The following PSD3 variants were observed in gnomAD, a reference collection of about 807,000 sequenced individuals.
The protein encoded by PSD3 is pleckstrin and Sec7 domain containing 3, also known as PH and SEC7 domain-containing protein 3.
A neutral mutation model predicts 105.5 loss-of-function variants in PSD3; 49 were observed. The ratio of observed to expected loss-of-function variants is 0.46; its 90% CI spans 0.37 to 0.59. The LOEUF (loss-of-function observed/expected upper bound fraction) is 0.59. Among genes scored for constraint, PSD3 ranks in the 20% least tolerant of loss-of-function variants. The pLI is 0.00. For missense variants in PSD3, 1,561 were observed against 1,263.8 expected (o/e 1.24, Z -3.57); for synonymous variants, 557 against 457.8 (o/e 1.22, Z -2.77).
intron 9 of PSD3, among the ~76,000 whole-genome samples, chr8:18,725,444 GGGA>G (rs2129428807): frequency 6.6e-6 from 1 of 152,186 alleles, no homozygotes; most frequent in East Asian, 1.9e-4. Context: ...TGTCCTAAAG[GGGA>G]GAAATCCATT....
intron 15 of PSD3, among the ~76,000 whole-genome samples, chr8:18,540,667 G>A (rs1377472537): frequency 2.6e-5 from 4 of 152,006 alleles, no homozygotes; most frequent in Admixed American, 1.3e-4. Context: ...TCCCACAGTC[G>A]CCTGACTGCT....
intron 2 of PSD3, among the ~76,000 whole-genome samples, chr8:18,879,081 C>CACAT (rs1554529840): frequency 2.0e-3 from 295 of 145,662 alleles, no homozygotes; most frequent in African/African-American, 7.2e-3. Context: ...CACACACACA[C>CACAT]ACACACGCAC....
At chr8:18,672,760 A>T (rs1158843534) in intron 9 of PSD3, among the ~76,000 whole-genome samples, 1 of 152,204 alleles carries the variant, frequency 6.6e-6, no homozygotes, top group Non-Finnish European at 1.5e-5. Flanking sequence ...TGTGACAGCA[A>T]CTAGCAGCAG....
At chr8:18,721,488 C>T (rs565919122) in intron 9 of PSD3, among the ~76,000 whole-genome samples, 1 of 152,096 alleles carries the variant, frequency 6.6e-6, no homozygotes. Flanking sequence ...ACCATTAAAG[C>T]CTTAGAAGTT....
chr8:18,619,448 C>T (rs959181808), intron 11 of PSD3, among the ~76,000 whole-genome samples: 18 of 152,012 alleles, frequency 1.2e-4, no homozygotes, highest in African/African-American at 4.4e-4. Context: ...AGTTTGAGAC[C>T]AGCCTGACCA....
chr8:19,035,660 G>A (rs76331206), intron 1 of PSD3, among the ~76,000 whole-genome samples: 2,367 of 151,522 alleles, frequency 0.016, 30 homozygotes, highest in Non-Finnish European at 0.025. Flanking sequence ...GTTTTTTTTG[G>A]CCAAATTTTA....
rs575267018 is a variant in PSD3, at chr8:18,534,033, G to A, written c.*1710C>T. On this transcript the variant is annotated 3_prime_UTR_variant, in exon 16 of 16. Transcript: ENST00000327040. The stretch of plus-strand genomic sequence containing the variant: ...AGTCATGGACATTTACAGAGGGGAA[G>A]GAAGTAAACGTTAATAAATAATTCT... 6.6e-6 allele frequency: 1 copy of A among 152,080 alleles called. No homozygotes were observed. The highest frequency in any genetic ancestry group is 1.5e-5 in the Non-Finnish European group (1 of 68,030). The allele number at this position is 152,080 out of a possible 1,614,324, so 9.4% of individuals were successfully genotyped here.
In PSD3 at chr8:18,868,047, C is replaced by A. The variant is rs28645392; in HGVS notation, c.1261G>T (p.Val421Phe). The change falls in exon 4 of 16, where the codon GTT becomes TTT. Residue 421 changes from valine to phenylalanine, a missense_variant. Transcript: ENST00000327040. ...RERISEQEEH[V>F]KGEDEDILGP... is the part of the protein sequence containing the mutation. The stretch of plus-strand genomic sequence containing the variant: ...AGGATGTCTTCATCTTCCCCCTTAA[C>A]GTGCTCCTCTTGTTCGCTGATCCTG... The A allele has an allele frequency of 8.4e-4, 1,348 of 1,608,416 alleles. 8 individuals are homozygous for A. The African/African-American group carries it at 0.016, about 20-fold the overall frequency.
chr8:18,979,351 T>C (rs1825131807), intron 1 of PSD3, among the ~76,000 whole-genome samples: 1 of 152,238 alleles, frequency 6.6e-6, no homozygotes, highest in African/African-American at 2.4e-5. Flanking sequence ...CTATTCATAA[T>C]GAGCAGCTCT....
chr8:19,057,425 C>T (rs532017374), intron 1 of PSD3, among the ~76,000 whole-genome samples: 3 of 152,298 alleles, frequency 2.0e-5, no homozygotes, highest in South Asian at 2.1e-4. Flanking sequence ...TTCTATGACA[C>T]GAAAACCTCT....
intron 2 of PSD3, among the ~76,000 whole-genome samples, chr8:18,886,658 G>C (rs1029309129): frequency 6.6e-6 from 1 of 152,188 alleles, no homozygotes; most frequent in Non-Finnish European, 1.5e-5. Context: ...AAAATGCCCA[G>C]TTCATCAGTT....
intron 11 of PSD3, among the ~76,000 whole-genome samples, chr8:18,629,381 T>C (rs1314531154): frequency 1.3e-5 from 2 of 151,974 alleles, no homozygotes; most frequent in East Asian, 1.9e-4. Flanking sequence ...TGAAAACATA[T>C]GTACGTGCAA....
chr8:18,937,502 C>T (rs1586474236), intron 1 of PSD3, among the ~76,000 whole-genome samples: 1 of 152,126 alleles, frequency 6.6e-6, no homozygotes, highest in Non-Finnish European at 1.5e-5. Flanking sequence ...ATCACACCTC[C>T]ATCACCCCAC....
intron 8 of PSD3, among the ~76,000 whole-genome samples, chr8:18,781,735 G>T (rs759087056): frequency 6.6e-6 from 1 of 152,146 alleles, no homozygotes; most frequent in Non-Finnish European, 1.5e-5. Flanking sequence ...ATATCTAGAT[G>T]TCTGTATCTC....
At position 19,054,428 on chromosome 8, in the gene PSD3, A is replaced by C. The variant is rs570755410; in HGVS notation, c.324+29778T>G. ...GAAGAACTTGTAGCATATGTCAGAG[A>C]CTGAATAATGTTTGTTGAGGGAAAG... is the stretch of plus-strand genomic sequence containing the variant. On this transcript the variant is annotated intron_variant, in intron 1 of 1. Coordinates refer to the PSD3 transcript ENST00000521475. Among the ~76,000 whole-genome samples the C allele has an allele frequency of 2.4e-4, 36 of 152,224 alleles. No homozygotes were observed. The East Asian group carries it at 6.6e-3, about 28-fold the overall frequency.
At chr8:18,542,763 A>G (rs989749271) in intron 15 of PSD3, among the ~76,000 whole-genome samples, 1 of 151,808 alleles carries the variant, frequency 6.6e-6, no homozygotes, top group Non-Finnish European at 1.5e-5. Flanking sequence ...ATTGTTGTTT[A>G]GTCTTCATAA....
chr8:19,024,126 A>C (rs1050199800), intron 1 of PSD3, among the ~76,000 whole-genome samples: 1 of 152,234 alleles, frequency 6.6e-6, no homozygotes, highest in African/African-American at 2.4e-5. Context: ...CAAATAAATC[A>C]CTTTTTCCAA....
At chr8:18,700,079 G>T (rs1801490272) in intron 9 of PSD3, among the ~76,000 whole-genome samples, 1 of 152,116 alleles carries the variant, frequency 6.6e-6, no homozygotes, top group Admixed American at 6.5e-5. Flanking sequence ...TCTTATTTCA[G>T]TCAAACCTTA....
At chr8:18,631,961 T>A (rs1806934593) in intron 11 of PSD3, among the ~76,000 whole-genome samples, 2 of 152,014 alleles carry the variant, frequency 1.3e-5, no homozygotes, top group Admixed American at 1.3e-4. Context: ...CTGCAAAGAT[T>A]ATTCTAACTA....
Sources: allele counts gnomAD v4.1 joint callset (sites outside exome capture counted in the v4.1 genomes callset), GRCh38; gene constraint gnomAD v4.1.1; transcripts MANE v1.5; gene names NCBI Gene and HGNC (gene_info 2026-07-23, HGNC 2026-07-21).